Variants in TNFAIP8 observed in about 807,000 individuals in gnomAD.
TNFAIP8 encodes the protein tumor necrosis factor alpha-induced protein 8.
In TNFAIP8, 7 loss-of-function variants were observed where a neutral mutation model predicts 13.3. The ratio of observed to expected loss-of-function variants is 0.52; its 90% CI spans 0.30 to 0.99. The LOEUF (loss-of-function observed/expected upper bound fraction) is 0.99, where lower values mean the gene tolerates loss of function less well. Among genes scored for constraint, TNFAIP8 ranks in the 50% least tolerant of loss-of-function variants. TNFAIP8 has a pLI of 0.07. For synonymous variants in TNFAIP8, 94 were observed against 87.6 expected (o/e 1.07, Z -0.41); for missense variants, 258 against 236.9 (o/e 1.09, Z -0.58).
intron 1 of TNFAIP8, among the ~76,000 whole-genome samples, chr5:119,356,904 G>A (rs906194123): frequency 6.6e-6 from 1 of 152,142 alleles, no homozygotes; most frequent in Non-Finnish European, 1.5e-5. Context: ...TCTTGTAAGT[G>A]GGGGGTGGGA....
intron 1 of TNFAIP8, among the ~76,000 whole-genome samples, chr5:119,370,695 A>G (rs1483207272): frequency 6.6e-6 from 1 of 152,250 alleles, no homozygotes; most frequent in Non-Finnish European, 1.5e-5. Context: ...CAGAGTTCCA[A>G]GCATCTTCTC....
chr5:119,303,466 T>C (rs183887079), intron 1 of TNFAIP8, among the ~76,000 whole-genome samples: 76 of 152,304 alleles, frequency 5.0e-4, no homozygotes, highest in Non-Finnish European at 5.7e-4. Flanking sequence ...CCTGTGCCTC[T>C]TGTGGGTCAG....
rs1752882130 is a variant in TNFAIP8 at position 119,391,313 on chromosome 5, A to G, written c.32-1503A>G. Reference sequence around the variant, plus strand: ...CCTTGACTCATTTGTATGTATCTGTATTTTTAAACTTTTTATCTTTCATTA... The same window carrying G: ...CCTTGACTCATTTGTATGTATCTGTGTTTTTAAACTTTTTATCTTTCATTA... On this transcript the variant is annotated intron_variant, in intron 1 of 1. Coordinates refer to ENST00000504771, the MANE Select transcript of TNFAIP8 (RefSeq NM_014350.4). 4.2e-5 allele frequency: 29 copies of G among 697,954 alleles called. 1 individual carries two copies. In the South Asian group the frequency reaches 4.3e-4, roughly 10 times the overall value. The allele number at this position is 697,954 out of a possible 1,614,324, so 43.2% of individuals were successfully genotyped here. A position where few individuals can be genotyped will look rare whatever the true frequency, so the allele number is the denominator to read the frequency against.
At chr5:119,334,639 G>GTGTGTT (rs1750491828) in intron 1 of TNFAIP8, among the ~76,000 whole-genome samples, 2 of 150,196 alleles carry the variant, frequency 1.3e-5, no homozygotes, top group African/African-American at 4.9e-5. Flanking sequence ...GTGTGTGTGT[G>GTGTGTT]TGTGTGTGTG....
chr5:119,282,809 T>C (rs533041982), intron 1 of TNFAIP8, among the ~76,000 whole-genome samples: 1 of 152,342 alleles, frequency 6.6e-6, no homozygotes, highest in East Asian at 1.9e-4. Context: ...TTTCCTTTCT[T>C]GACTGATCTT....
At chr5:119,363,491 C>A (rs1010334031) in intron 1 of TNFAIP8, among the ~76,000 whole-genome samples, 6 of 152,204 alleles carry the variant, frequency 3.9e-5, no homozygotes, top group African/African-American at 1.4e-4. Flanking sequence ...CACACCATCA[C>A]CTCCAACCAG....
At chr5:119,268,865 G>A (rs985498397) in exon 1 of TNFAIP8, 3 of 703,414 alleles carry the variant, frequency 4.3e-6, no homozygotes, top group South Asian at 1.5e-5. Context: ...AAACAGCCCA[G>A]CTCGCGCTTC....
Position 119,394,638 on chromosome 5 carries a change from G to C in TNFAIP8, c.*1257G>C, listed in dbSNP as rs1445738877. The C allele has an allele frequency of 1.0e-5, 1 of 97,384 alleles. No individual in the cohort carries two copies. Among genetic ancestry groups the C allele is most frequent in the South Asian group, 2.7e-4 (1 of 3,676 alleles). The allele number at this position is 97,384 out of a possible 1,614,324, so 6.0% of individuals were successfully genotyped here. A position where few individuals can be genotyped will look rare whatever the true frequency, so the allele number is the denominator to read the frequency against. ...TTTTTTTTTTTTTTTTTTGAGTCTC[G>C]CTCTGTTGTTTAGGCTAGAATGCAG... is the stretch of plus-strand genomic sequence containing the variant. On this transcript the variant is annotated 3_prime_UTR_variant, in exon 2 of 2. Coordinates refer to ENST00000504771, the MANE Select transcript of TNFAIP8 (RefSeq NM_014350.4).
intron 1 of TNFAIP8, among the ~76,000 whole-genome samples, chr5:119,380,796 G>T (rs1025702052): frequency 6.6e-6 from 1 of 151,984 alleles, no homozygotes; most frequent in African/African-American, 2.4e-5. Context: ...ATCTAGAATG[G>T]GCTAACTTTT....
intron 1 of TNFAIP8, among the ~76,000 whole-genome samples, chr5:119,298,094 T>C (rs1749237217): frequency 6.6e-6 from 1 of 152,258 alleles, no homozygotes; most frequent in Admixed American, 6.5e-5. Flanking sequence ...TTGGAGCATT[T>C]AGTCCATTTA....
chr5:119,288,134 T>C (rs1748860638), intron 1 of TNFAIP8, among the ~76,000 whole-genome samples: 1 of 152,254 alleles, frequency 6.6e-6, no homozygotes, highest in African/African-American at 2.4e-5. Flanking sequence ...AACATCTGTT[T>C]CATTTCTCAT....
At chr5:119,281,324 TTA>T (rs1748623869) in intron 1 of TNFAIP8, among the ~76,000 whole-genome samples, 1 of 37,056 alleles carries the variant, frequency 2.7e-5, no homozygotes, top group African/African-American at 7.6e-5. Context: ...TCTCTCACAC[TTA>T]CATGCAAACA....
intron 1 of TNFAIP8, among the ~76,000 whole-genome samples, chr5:119,301,142 T>C (rs917384901): frequency 6.6e-6 from 1 of 152,246 alleles, no homozygotes. Flanking sequence ...TTACTTCTTA[T>C]GTAAAAACCC....
chr5:119,275,085 A>T (rs1156663275), intron 1 of TNFAIP8, among the ~76,000 whole-genome samples: 2 of 151,706 alleles, frequency 1.3e-5, no homozygotes, highest in African/African-American at 2.4e-5. Context: ...AAAGAAGATT[A>T]AAATGAACAC....
intron 1 of TNFAIP8, among the ~76,000 whole-genome samples, chr5:119,327,423 C>T (rs1214566364): frequency 6.6e-6 from 1 of 152,106 alleles, no homozygotes; most frequent in African/African-American, 2.4e-5. Context: ...TCTGATTGCT[C>T]TCTAAATTGG....
At chr5:119,330,994 T>C (rs1304647641) in intron 1 of TNFAIP8, among the ~76,000 whole-genome samples, 3 of 151,990 alleles carry the variant, frequency 2.0e-5, no homozygotes, top group Admixed American at 1.3e-4. Flanking sequence ...TGAGCACAAA[T>C]TGCTTTCACG....
chr5:119,393,340 TG>T lies in TNFAIP8; in HGVS notation c.557del (p.Cys186LeufsTer18). The T allele has an allele frequency of 6.2e-7, 1 of 1,613,930 alleles. No individual in the cohort carries two copies. The highest frequency in any genetic ancestry group is 1.1e-5 in the South Asian group (1 of 91,084). Reference protein sequence around the residue: ...GNFKPHLQKLCDGINKMLDEE... With the variant: ...GNFKPHLQKLXDGINKMLDEE... ...TTTTAAACCCCACTTACAAAAACTA[TG>T]TGATGGTATCAACAAAATGTTGGAT... On this transcript the variant is annotated frameshift_variant, in exon 2 of 2. Coordinates refer to ENST00000504771, the MANE Select transcript of TNFAIP8 (RefSeq NM_014350.4). LOFTEE classifies it high-confidence loss of function.
intron 1 of TNFAIP8, among the ~76,000 whole-genome samples, chr5:119,312,694 G>T (rs1035375): frequency 0.18 from 25,101 of 138,900 alleles, 2,669 homozygotes; most frequent in East Asian, 0.45. Context: ...GAGCTCAGGA[G>T]TTCGAGACTA....
Position 119,392,871 on chromosome 5 carries a change from C to A in TNFAIP8, c.87C>A (p.Ile29=). ...KNLAVQAQKK[I]LGKMVSKSIA... is the part of the protein sequence containing the mutation. ...TGGCCGTTCAGGCACAAAAGAAGAT[C>A]TTGGGTAAAATGGTGTCCAAATCCA... The change falls in exon 2 of 2, where the codon ATC becomes ATA. Residue 29 remains isoleucine, a synonymous_variant. Coordinates refer to ENST00000504771, the MANE Select transcript of TNFAIP8 (RefSeq NM_014350.4). 1.3e-6 allele frequency: 2 copies of A among 1,569,812 alleles called. No homozygotes were observed. The highest frequency in any genetic ancestry group is 1.7e-6 in the Non-Finnish European group (2 of 1,157,852).
Sources: gnomAD v4.1 joint callset for allele counts (sites outside exome capture counted in the v4.1 genomes callset) on GRCh38, gnomAD v4.1.1 for gene constraint, MANE v1.5 for transcripts, NCBI Gene and HGNC (gene_info 2026-07-23, HGNC 2026-07-21) for gene names.